ZC3H13: variants seen among roughly 807,000 people sequenced by gnomAD.
ZC3H13 encodes the protein zinc finger CCCH-type containing 13.
ZC3H13 carries 64 observed loss-of-function variants against 204.1 expected under a neutral mutation model. The ratio of observed to expected loss-of-function variants is 0.31; its 90% CI spans 0.26 to 0.39. The LOEUF (loss-of-function observed/expected upper bound fraction) is 0.39. Ranked by LOEUF, ZC3H13 falls within the 10% of genes least tolerant of loss-of-function variation. The pLI, the probability that ZC3H13 is intolerant of heterozygous loss-of-function variation, is 1.00. For synonymous variants in ZC3H13, 667 were observed against 693.7 expected (o/e 0.96, Z 0.60); for missense variants, 1,833 against 2,082.7 (o/e 0.88, Z 2.33).
intron 7 of ZC3H13, among the ~76,000 whole-genome samples, chr13:46,008,999 T>G (rs2041354781): frequency 6.6e-6 from 1 of 152,130 alleles, no homozygotes; most frequent in Non-Finnish European, 1.5e-5. Flanking sequence ...GATCCCAATC[T>G]TCAAGGAGCT....
intron 7 of ZC3H13, 148 bp from the exon 8 acceptor site, chr13:46,003,484 C>T (rs1185640067): frequency 3.0e-6 from 2 of 658,230 alleles, no homozygotes; most frequent in Non-Finnish European, 4.9e-6. Context: ...GAAAAAAAAA[C>T]TAACAGAAAT....
chr13:46,040,719 G>A (rs576580961), intron 4 of ZC3H13, among the ~76,000 whole-genome samples: 98 of 152,222 alleles, frequency 6.4e-4, no homozygotes, highest in African/African-American at 2.2e-3. Flanking sequence ...TAAGGGACTT[G>A]TATCCAAAAT....
chr13:46,052,697 C>T lies in ZC3H13; in HGVS notation c.-303G>A, dbSNP rs1163975626. Reference sequence around the variant, plus strand: ...TTAAGAAAAGGCAACAAAAACACTACCAGGCCGCTAGGAGGACCGCCTCAA... The same window carrying T: ...TTAAGAAAAGGCAACAAAAACACTATCAGGCCGCTAGGAGGACCGCCTCAA... On this transcript the variant is annotated 5_prime_UTR_variant, in exon 1 of 19. Transcript: ENST00000679008. 10 of 398,516 alleles carry T rather than the reference C, an allele frequency of 2.5e-5. No homozygotes were observed. The highest frequency in any genetic ancestry group is 3.5e-5 in the Non-Finnish European group (8 of 226,158). 24.7% of individuals were successfully genotyped at this position (398,516 alleles called of 1,614,324 possible). A position where few individuals can be genotyped will look rare whatever the true frequency, so the allele number is the denominator to read the frequency against.
At chr13:46,036,968 C>T (rs1364452087) in intron 4 of ZC3H13, among the ~76,000 whole-genome samples, 2 of 152,170 alleles carry the variant, frequency 1.3e-5, no homozygotes, top group Non-Finnish European at 2.9e-5. Flanking sequence ...ATCTGCCCAC[C>T]TCAGCCTCCC....
At position 45,988,915 on chromosome 13, in the gene ZC3H13, G is replaced by A. The variant is rs1275310158; in HGVS notation, c.1127C>T (p.Ser376Leu). 1.9e-6 allele frequency: 3 copies of A among 1,614,158 alleles called. No homozygotes were observed. The highest frequency in any genetic ancestry group is 4.5e-5 in the East Asian group (2 of 44,848). ...PLRRSASPYPSHSLSSPQRKQ... is the reference protein window; with the variant it reads ...PLRRSASPYPLHSLSSPQRKQ... ...TCTCTGGGGAGACGACAAAGAATGT[G>A]AAGGATAAGGAGAGGCAGAGCGTCG... The change falls in exon 9 of 19, where the codon TCA (serine) becomes TTA (leucine). Residue 376 changes from serine to leucine, a missense_variant. By Grantham distance (145) the Ser-to-Leu change is moderately radical. Transcript: ENST00000679008.
intron 10 of ZC3H13, among the ~76,000 whole-genome samples, chr13:45,983,964 C>G (rs1953941763): frequency 6.6e-6 from 1 of 152,114 alleles, no homozygotes; most frequent in Non-Finnish European, 1.5e-5. Flanking sequence ...TAAAAGACAC[C>G]ATTTAGTGAC....
At chr13:46,027,776 C>G (rs949272146) in intron 4 of ZC3H13, among the ~76,000 whole-genome samples, 4 of 152,048 alleles carry the variant, frequency 2.6e-5, no homozygotes, top group African/African-American at 9.7e-5. Context: ...ATTGTAAACT[C>G]TAGGGTAACC....
intron 8 of ZC3H13, among the ~76,000 whole-genome samples, chr13:45,989,486 A>G (rs1408988464): frequency 2.0e-5 from 3 of 152,214 alleles, no homozygotes; most frequent in Non-Finnish European, 4.4e-5. Context: ...AGATCTAGAG[A>G]GAAAGTGGCT....
chr13:45,968,104 C>T, intron 14 of ZC3H13, 76 bp from the exon 15 acceptor site: 1 of 1,424,694 alleles, frequency 7.0e-7, no homozygotes, highest in South Asian at 1.5e-5. Context: ...TTTCAAGGTC[C>T]TTTAAAACAT....
chr13:46,002,098 G>A (rs1349207092), intron 8 of ZC3H13, among the ~76,000 whole-genome samples: 1 of 152,108 alleles, frequency 6.6e-6, no homozygotes, highest in Non-Finnish European at 1.5e-5. Context: ...GCAAAGAATT[G>A]GAAAGACATT....
chr13:46,048,597 A>AAC (rs2044169280), intron 1 of ZC3H13, among the ~76,000 whole-genome samples: 1 of 151,052 alleles, frequency 6.6e-6, no homozygotes, highest in African/African-American at 2.4e-5. Flanking sequence ...AAAAAAAAAA[A>AAC]AAAAAAAACT....
At chr13:45,994,235 C>G (rs34976194) in intron 8 of ZC3H13, among the ~76,000 whole-genome samples, 54 of 152,156 alleles carry the variant, frequency 3.5e-4, no homozygotes, top group Non-Finnish European at 5.9e-4. Flanking sequence ...AAATAACATA[C>G]AAAATATGTG....
Position 45,955,880 on chromosome 13 carries a change from C to T in ZC3H13, c.*1247G>A, listed in dbSNP as rs1400709645. The T allele has an allele frequency of 6.7e-6, 1 of 149,994 alleles. No individual in the cohort carries two copies. The highest frequency in any genetic ancestry group is 1.5e-5 in the Non-Finnish European group (1 of 66,814). 9.3% of individuals were successfully genotyped at this position (149,994 alleles called of 1,614,324 possible). ...ACTTTACACCACTGTCATTATGTTA[C>T]CTATAGAGACAAAACTACTAACACA... On this transcript the variant is annotated 3_prime_UTR_variant, in exon 19 of 19. Transcript: ENST00000679008.
chr13:45,994,438 C>G (rs2040188950), intron 8 of ZC3H13, among the ~76,000 whole-genome samples: 1 of 152,118 alleles, frequency 6.6e-6, no homozygotes, highest in Non-Finnish European at 1.5e-5. Flanking sequence ...TAAAGACAAC[C>G]CTTAAATTAA....
chr13:45,971,879 C>T lies in ZC3H13; in HGVS notation c.2469-1414G>A, dbSNP rs1952612038. Reference sequence around the variant, plus strand: ...CATTTCTCAAAAGAAGACATACAAACAGCCAACAAACGTATGAAAAAATGC... The same window carrying T: ...CATTTCTCAAAAGAAGACATACAAATAGCCAACAAACGTATGAAAAAATGC... On this transcript the variant is annotated intron_variant, in intron 12 of 18. Coordinates refer to ENST00000679008, the MANE Select transcript of ZC3H13 (RefSeq NM_001330564.2). Among the ~76,000 whole-genome samples the T allele has an allele frequency of 2.0e-5, 3 of 152,118 alleles. No individual in the cohort carries two copies. In the South Asian group the frequency reaches 6.2e-4, roughly 32 times the overall value.
intron 8 of ZC3H13, 31 bp from the exon 9 acceptor site, chr13:45,989,128 G>C (rs1380073559): frequency 6.3e-7 from 1 of 1,575,754 alleles, no homozygotes. Flanking sequence ...AATAAAACAT[G>C]TATTCAAGAG....
intron 4 of ZC3H13, among the ~76,000 whole-genome samples, chr13:46,031,352 A>AT (rs1260509802): frequency 6.6e-6 from 1 of 152,116 alleles, no homozygotes; most frequent in Non-Finnish European, 1.5e-5. Context: ...AGAAAGTAAC[A>AT]TAAGAGAGTA....
chr13:45,965,519 T>C, intron 15 of ZC3H13, 87 bp from the exon 16 acceptor site: 1 of 1,245,744 alleles, frequency 8.0e-7, no homozygotes. Context: ...GGTACACACA[T>C]TATAACAATG....
rs1476995715 is a variant in ZC3H13, at chr13:45,955,124, C to T, written c.*2003G>A. On this transcript the variant is annotated 3_prime_UTR_variant, in exon 19 of 19. Coordinates refer to ENST00000679008, the MANE Select transcript of ZC3H13 (RefSeq NM_001330564.2). ...GAGCCGTCAGTTATGAGATAGATGACCTTTTAATTGTACTAGCAAACAATT... is the reference window on the plus strand; with the variant it reads ...GAGCCGTCAGTTATGAGATAGATGATCTTTTAATTGTACTAGCAAACAATT... The T allele has an allele frequency of 6.6e-6, 1 of 152,140 alleles. No homozygotes were observed. Among genetic ancestry groups the T allele is most frequent in the African/African-American group, 2.4e-5 (1 of 41,422 alleles). The allele number at this position is 152,140 out of a possible 1,614,324, so 9.4% of individuals were successfully genotyped here. A position where few individuals can be genotyped will look rare whatever the true frequency, so the allele number is the denominator to read the frequency against.
Sources: allele counts gnomAD v4.1 joint callset (sites outside exome capture counted in the v4.1 genomes callset), GRCh38; gene constraint gnomAD v4.1.1; transcripts MANE v1.5; gene names NCBI Gene and HGNC (gene_info 2026-07-23, HGNC 2026-07-21).